The following NDP variants were observed in gnomAD, a reference collection of about 807,000 sequenced individuals.
NDP encodes norrin.
Under a neutral mutation model 8.4 loss-of-function variants are expected in NDP, and 2 were observed. That is an observed-to-expected ratio of 0.24 (90% CI 0.10 to 0.75). NDP has a LOEUF of 0.75. Among genes scored for constraint, NDP ranks in the 30% least tolerant of loss-of-function variants. The probability of loss-of-function intolerance (pLI) is 0.73; values close to 1 mark genes in which losing one functional copy is unlikely to be tolerated. For missense variants in NDP, 81 were observed against 110.1 expected (o/e 0.74, Z 1.18); for synonymous variants, 55 against 45.6 (o/e 1.21, Z -0.83).
At chrX:43,961,534 C>G (rs1210918528) in intron 1 of NDP, among the ~76,000 whole-genome samples, 2 of 111,988 alleles carry the variant, frequency 1.8e-5, no homozygotes, top group Non-Finnish European at 3.8e-5. Context: ...TAGCAAAGCT[C>G]TGAAAGGATA....
chrX:43,962,175 A>G (rs1157523288), intron 1 of NDP, among the ~76,000 whole-genome samples: 3 of 111,857 alleles, frequency 2.7e-5, no homozygotes, highest in Non-Finnish European at 5.6e-5. Context: ...AAATTCTGAA[A>G]TAAGAATGTA....
chrX:43,962,527 C>T (rs1181640076), intron 1 of NDP, among the ~76,000 whole-genome samples: 4 of 111,709 alleles, frequency 3.6e-5, no homozygotes, highest in Non-Finnish European at 7.5e-5. Flanking sequence ...TTATCTCTGC[C>T]TTGTAGCAGC....
At chrX:43,968,652 C>T (rs2035872673) in intron 1 of NDP, among the ~76,000 whole-genome samples, 1 of 112,487 alleles carries the variant, frequency 8.9e-6, no homozygotes, top group South Asian at 3.7e-4. Context: ...CTCTTAATGT[C>T]CTCCCAAAGA....
rs770906237 is a variant in NDP, at chrX:43,958,578, T to C, written c.68A>G (p.Asp23Gly). Residue 23 changes from aspartate (D) to glycine (G), a missense_variant, in exon 2 of 3, where the codon GAC becomes GGC. By Grantham distance (94) the Asp-to-Gly change is moderately conservative. Transcript: ENST00000642620. ...TATGAATGAGCTGTCCGTTTTACTG[T>C]CTGTATCTCCCATTATCACCAGCAG... ...LSLLVIMGDTDSKTDSSFIMD... is the reference protein window; with the variant it reads ...LSLLVIMGDTGSKTDSSFIMD... 2.5e-6 allele frequency: 3 copies of C among 1,209,657 alleles called. No individual in the cohort carries two copies. In the African/African-American group the frequency reaches 5.2e-5, roughly 21 times the overall value.
chrX:43,964,069 G>A (rs1009378084), intron 1 of NDP, among the ~76,000 whole-genome samples: 1 of 111,906 alleles, frequency 8.9e-6, no homozygotes, highest in African/African-American at 3.3e-5. Flanking sequence ...CTAATCCAGT[G>A]CAGGGGTGGT....
intron 2 of NDP, 119 bp downstream of exon 2, chrX:43,958,353 G>GGCC (rs1484608803): frequency 4.5e-6 from 4 of 880,302 alleles, no homozygotes; most frequent in Non-Finnish European, 6.6e-6. Flanking sequence ...AAGCCCTGTG[G>GGCC]GCCAGCCACA....
intron 2 of NDP, 75 bp downstream of exon 2, chrX:43,958,397 A>T (rs762411923): frequency 1.8e-6 from 2 of 1,119,637 alleles, no homozygotes; most frequent in Non-Finnish European, 2.5e-6. Flanking sequence ...TTAGTTCTCC[A>T]TCCCCTGACA....
intron 2 of NDP, among the ~76,000 whole-genome samples, chrX:43,955,243 A>C (rs1016628573): frequency 5.4e-5 from 6 of 112,130 alleles, no homozygotes; most frequent in African/African-American, 1.9e-4. Context: ...GAGTCTAAAC[A>C]CCTGCTTAGT....
chrX:43,956,836 AG>A (rs1330717178), intron 2 of NDP, among the ~76,000 whole-genome samples: 1 of 111,889 alleles, frequency 8.9e-6, no homozygotes, highest in African/African-American at 3.2e-5. Flanking sequence ...AGTACACTAA[AG>A]TCTGTTTCTA....
intron 1 of NDP, among the ~76,000 whole-genome samples, chrX:43,967,325 G>C (rs2035863526): frequency 9.0e-6 from 1 of 111,466 alleles, no homozygotes; most frequent in Non-Finnish European, 1.9e-5. Flanking sequence ...ATCCTCTCAA[G>C]TTTTAAAGAA....
chrX:43,963,135 T>C (rs1218561666), intron 1 of NDP, among the ~76,000 whole-genome samples: 3 of 112,447 alleles, frequency 2.7e-5, no homozygotes. Flanking sequence ...CCCTAGGCTG[T>C]TTTCAATACT....
At chrX:43,954,437 C>T (rs209762) in intron 2 of NDP, 9,581 of 110,526 alleles carry the variant, frequency 0.087, 349 homozygotes, top group Middle Eastern at 0.13. Context: ...CAGAACACCC[C>T]TCCTCCCTCT....
chrX:43,955,022 G>C (rs913455994), intron 2 of NDP, among the ~76,000 whole-genome samples: 1 of 111,528 alleles, frequency 9.0e-6, no homozygotes, highest in Non-Finnish European at 1.9e-5. Flanking sequence ...CCACTCATCT[G>C]GGAAGGAAGG....
chrX:43,964,700 C>G (rs980277600), intron 1 of NDP, among the ~76,000 whole-genome samples: 1 of 111,930 alleles, frequency 8.9e-6, no homozygotes, highest in Non-Finnish European at 1.9e-5. Flanking sequence ...GAAACTGATC[C>G]TCAAGCCCTG....
intron 1 of NDP, 39 bp from the exon 2 acceptor site, chrX:43,958,891 T>C: frequency 2.6e-6 from 1 of 386,125 alleles, no homozygotes. Flanking sequence ...CAGAATTATT[T>C]ACCCAGAACC....
At chrX:43,968,347 T>G (rs2035870410) in intron 1 of NDP, among the ~76,000 whole-genome samples, 1 of 112,270 alleles carries the variant, frequency 8.9e-6, no homozygotes, top group African/African-American at 3.2e-5. Flanking sequence ...GCTTTGCAGA[T>G]GCAAGGGAAG....
chrX:43,965,485 A>G (rs1026190775), intron 1 of NDP, among the ~76,000 whole-genome samples: 3 of 111,612 alleles, frequency 2.7e-5, no homozygotes, highest in African/African-American at 9.8e-5. Flanking sequence ...AGGATATTTA[A>G]CCAGTTACTA....
chrX:43,963,839 C>G (rs1341368728), intron 1 of NDP, among the ~76,000 whole-genome samples: 1 of 112,545 alleles, frequency 8.9e-6, no homozygotes, highest in South Asian at 3.7e-4. Context: ...GCATCCTGTG[C>G]GTTCAATGAA....
In NDP at chrX:43,961,683, AT is replaced by A. The variant is rs745377148; in HGVS notation, c.-207-2832del. Among the ~76,000 whole-genome samples, 48 of 112,270 alleles carry A rather than the reference AT, an allele frequency of 4.3e-4. 1 individual carries two copies. The East Asian group carries it at 8.4e-3, about 20-fold the overall frequency. On this transcript the variant is annotated intron_variant, in intron 1 of 2. Transcript: ENST00000642620. ...ACTTTATTTAAAATTTCATTAAAAAATAAGGCTTTCTCTTTTAAAAGCTCAG... is the reference window on the plus strand; with the variant it reads ...ACTTTATTTAAAATTTCATTAAAAAAAAGGCTTTCTCTTTTAAAAGCTCAG...
Sources: gnomAD v4.1 joint callset for allele counts (sites outside exome capture counted in the v4.1 genomes callset) on GRCh38, gnomAD v4.1.1 for gene constraint, MANE v1.5 for transcripts, NCBI Gene and HGNC (gene_info 2026-07-23, HGNC 2026-07-21) for gene names.